Variants in EXOSC10 observed in about 807,000 individuals in gnomAD.
EXOSC10 encodes exosome component 10.
In EXOSC10, 94 loss-of-function variants were observed where a neutral mutation model predicts 126.6. The ratio of observed to expected loss-of-function variants is 0.74; its 90% CI spans 0.63 to 0.88. EXOSC10 has a LOEUF of 0.88. Ranked by LOEUF, EXOSC10 falls within the 40% of genes least tolerant of loss-of-function variation. The probability of loss-of-function intolerance (pLI) is 0.00; values close to 1 mark genes in which losing one functional copy is unlikely to be tolerated. For missense variants in EXOSC10, 1,041 were observed against 1,100.5 expected, an observed-to-expected ratio of 0.95 and a Z score of 0.77; for synonymous variants, 395 against 400.8, an observed-to-expected ratio of 0.99 and a Z score of 0.17.
intron 5 of EXOSC10, 134 bp downstream of exon 5, chr1:11,090,880 T>G (rs1640764976): frequency 9.6e-7 from 1 of 1,041,494 alleles, no homozygotes; most frequent in South Asian, 1.6e-5. Context: ...GCCTCTGGAA[T>G]AGCTGAACTG....
intron 16 of EXOSC10, 59 bp downstream of exon 16, chr1:11,077,306 T>C (rs1639873365): frequency 2.6e-6 from 4 of 1,546,030 alleles, no homozygotes; most frequent in Non-Finnish European, 3.5e-6. Flanking sequence ...TACAGAATTT[T>C]AGACAAGGTA....
intron 20 of EXOSC10, 107 bp downstream of exon 20, chr1:11,071,979 GC>G: frequency 1.2e-6 from 1 of 846,220 alleles, no homozygotes; most frequent in Non-Finnish European, 1.9e-6. Context: ...CAGAAGGGAA[GC>G]CCCACAGGGG....
At position 11,085,037 on chromosome 1, in the gene EXOSC10, A is replaced by G. The variant is rs1405090827; in HGVS notation, c.1090-2159T>C. Among the ~76,000 whole-genome samples the G allele has an allele frequency of 8.5e-5, 13 of 152,248 alleles. No homozygotes were observed. The East Asian group carries it at 2.5e-3, about 29-fold the overall frequency. ...GCTGTTTTGGTTACTGTAGCCTTGT[A>G]GTATAGTTTGAAGTCAGGTAGTGTG... On this transcript the variant is annotated intron_variant, in intron 9 of 24. Coordinates refer to ENST00000376936, the MANE Select transcript of EXOSC10 (RefSeq NM_001001998.3).
rs562138523 is a variant in EXOSC10, at chr1:11,068,825, T to C, written c.2489-119A>G. ...GAAGCCTTGGCTGTGAGAGCACCCC[T>C]GTCACGATGAGGGGCTAGGGCTCAT... is the stretch of plus-strand genomic sequence containing the variant. On this transcript the variant is annotated intron_variant, in intron 22 of 24. Coordinates refer to ENST00000376936, the MANE Select transcript of EXOSC10 (RefSeq NM_001001998.3). 3.1e-5 allele frequency: 25 copies of C among 797,404 alleles called. No homozygotes were observed. In the East Asian group the frequency reaches 5.6e-4, roughly 18 times the overall value. 49.4% of individuals were successfully genotyped at this position (797,404 alleles called of 1,614,324 possible). A position where few individuals can be genotyped will look rare whatever the true frequency, so the allele number is the denominator to read the frequency against.
At position 11,087,838 on chromosome 1, in the gene EXOSC10, T is replaced by C. The variant is rs1488408252; in HGVS notation, c.907A>G (p.Lys303Glu). 1 of 1,613,816 alleles carries C rather than the reference T, an allele frequency of 6.2e-7. No individual in the cohort carries two copies. The highest frequency in any genetic ancestry group is 1.3e-5 in the African/African-American group (1 of 74,900). ...GCAAATTCCTGACAATTCAAGAGCT[T>C]TTCGTTGAGTTCCACGAGTTCATCC... ...SLDELVELNE[K>E]LLNCQEFAVD... is the part of the protein sequence containing the mutation. The change falls in exon 8 of 25, where the codon AAG becomes GAG. Residue 303 changes from lysine (K) to glutamate (E), a missense_variant. Coordinates refer to ENST00000376936, the MANE Select transcript of EXOSC10 (RefSeq NM_001001998.3).
rs1163110720 is a variant in EXOSC10, at chr1:11,099,639, G to A, written c.111+82C>T. 47 of 1,397,056 alleles carry A rather than the reference G, an allele frequency of 3.4e-5. No individual in the cohort carries two copies. The Middle Eastern group carries it at 6.8e-4, about 20-fold the overall frequency. The allele number at this position is 1,397,056 out of a possible 1,614,324, so 86.5% of individuals were successfully genotyped here. A position where few individuals can be genotyped will look rare whatever the true frequency, so the allele number is the denominator to read the frequency against. On this transcript the variant is annotated intron_variant, in intron 1 of 24. Coordinates refer to ENST00000376936, the MANE Select transcript of EXOSC10 (RefSeq NM_001001998.3). Reference sequence around the variant, plus strand: ...TCGCTCGGGCTCCACTACGGCGGGCGGGCATTGGCTGCCCAGAGGGCCCAG... The same window carrying A: ...TCGCTCGGGCTCCACTACGGCGGGCAGGCATTGGCTGCCCAGAGGGCCCAG...
At chr1:11,095,080 TG>T (rs1640998223) in intron 3 of EXOSC10, among the ~76,000 whole-genome samples, 1 of 151,912 alleles carries the variant, frequency 6.6e-6, no homozygotes, top group African/African-American at 2.4e-5. Context: ...GGAATAGTGG[TG>T]GGTGCCTGTA....
intron 10 of EXOSC10, 162 bp downstream of exon 10, chr1:11,082,526 T>A: frequency 6.9e-7 from 1 of 1,454,648 alleles, no homozygotes; most frequent in Non-Finnish European, 9.0e-7. Context: ...CATTAAAAAA[T>A]TTCCTACCAC....
At chr1:11,069,522 A>G in intron 22 of EXOSC10, 37 bp downstream of exon 22, 2 of 1,600,568 alleles carry the variant, frequency 1.2e-6, no homozygotes, top group Non-Finnish European at 1.7e-6. Flanking sequence ...TCTGACGCGC[A>G]CAGATGTCCC....
At position 11,090,650 on chromosome 1, in the gene EXOSC10, C is replaced by T. The variant is rs767800183; in HGVS notation, c.662G>A (p.Arg221Gln). ...CTCAGGACGATCCTGTGGGCGTTCC[C>T]GCCTTTCCTTAGAGAGAGCTGGGGA... The part of the protein sequence containing the change: ...PLPQALSKER[R>Q]ERPQDRPEDL... Residue 221 changes from arginine (R) to glutamine (Q), a missense_variant, in exon 6 of 25, where the codon CGG becomes CAG. Arg to Gln is a conservative substitution (Grantham distance 43). Around this residue, in one of 3 missense-constraint regions of EXOSC10, gnomAD observed 645 missense variants for 656.3 expected, o/e 0.98. Transcript: ENST00000376936. The T allele has an allele frequency of 1.6e-5, 25 of 1,611,306 alleles. No homozygotes were observed. Among genetic ancestry groups the T allele is most frequent in the Admixed American group, 1.2e-4 (7 of 59,304 alleles).
At chr1:11,098,652 T>C (rs1025418470) in intron 1 of EXOSC10, among the ~76,000 whole-genome samples, 1 of 152,252 alleles carries the variant, frequency 6.6e-6, no homozygotes, top group African/African-American at 2.4e-5. Context: ...AATTTGTTTT[T>C]GTGTTTTCAT....
chr1:11,099,790 C>T lies in EXOSC10; in HGVS notation c.42G>A (p.Ala14=). Residue 14 remains alanine (A), a synonymous_variant, in exon 1 of 25, where the codon GCG becomes GCA. Transcript: ENST00000376936. ...PSTREPRVLS[A]TSATKSDGEM... is the part of the protein sequence containing the mutation. ...CTCCGTCGGATTTGGTTGCGCTGGT[C>T]GCCGACAGGACCCTGGGCTCCCGGG... 1.2e-6 allele frequency: 2 copies of T among 1,611,874 alleles called. No individual in the cohort carries two copies. The highest frequency in any genetic ancestry group is 1.7e-5 in the Admixed American group (1 of 59,840).
chr1:11,095,985 C>G, intron 2 of EXOSC10, 104 bp from the exon 3 acceptor site: 1 of 1,121,396 alleles, frequency 8.9e-7, no homozygotes, highest in Non-Finnish European at 1.2e-6. Context: ...GTTCCCAACA[C>G]ATCTTTTTTT....
chr1:11,094,243 G>A (rs540836808), intron 3 of EXOSC10, among the ~76,000 whole-genome samples: 1 of 151,314 alleles, frequency 6.6e-6, no homozygotes, highest in South Asian at 2.1e-4. Context: ...CTCCTACAGT[G>A]CTAGGATTAC....
chr1:11,075,853 CAA>C (rs58667041), intron 17 of EXOSC10, among the ~76,000 whole-genome samples: 6 of 35,116 alleles, frequency 1.7e-4, no homozygotes, highest in African/African-American at 6.5e-4. Flanking sequence ...GATCCTGTCA[CAA>C]AAAAAAAAAA....
At chr1:11,096,825 C>T (rs1481320808) in intron 2 of EXOSC10, among the ~76,000 whole-genome samples, 1 of 152,132 alleles carries the variant, frequency 6.6e-6, no homozygotes, top group Non-Finnish European at 1.5e-5. Context: ...CCTAGCTGGG[C>T]GCAGTGGCTC....
At chr1:11,089,198 C>A (rs1304631274) in intron 6 of EXOSC10, among the ~76,000 whole-genome samples, 2 of 145,222 alleles carry the variant, frequency 1.4e-5, no homozygotes, top group Non-Finnish European at 1.5e-5. Context: ...ACTACGGCAC[C>A]CAGCCTGGGT....
At position 11,076,936 on chromosome 1, in the gene EXOSC10, A is replaced by G; in HGVS notation, c.1892T>C (p.Val631Ala). 1 of 1,613,562 alleles carries G rather than the reference A, an allele frequency of 6.2e-7. No homozygotes were observed. Among genetic ancestry groups the G allele is most frequent in the Non-Finnish European group, 8.5e-7 (1 of 1,179,730 alleles). ...PIIPTSGSVP[V>A]QKQASLFPDE... ...AGGGAAGAGGCTCGCCTGCTTCTGA[A>G]CTGGCACAGATCCTAGAGGAGCAGA... Residue 631 changes from valine to alanine, a missense_variant, in exon 17 of 25, where the codon GTT becomes GCT. By Grantham distance (64) the Val-to-Ala change is moderately conservative. Around this residue, in one of 3 missense-constraint regions of EXOSC10, gnomAD observed 388 missense variants for 415.2 expected, o/e 0.93. Transcript: ENST00000376936.
chr1:11,078,318 C>T (rs368560074), intron 14 of EXOSC10, among the ~76,000 whole-genome samples: 137 of 150,866 alleles, frequency 9.1e-4, no homozygotes, highest in African/African-American at 3.1e-3. Context: ...AGTGCAGTGG[C>T]GGGATCTCGG....
Sources: allele counts gnomAD v4.1 joint callset (sites outside exome capture counted in the v4.1 genomes callset), GRCh38; gene constraint gnomAD v4.1.1; regional missense constraint gnomAD v4.1.1; transcripts MANE v1.5; gene names NCBI Gene and HGNC (gene_info 2026-07-23, HGNC 2026-07-21).